COL5A1: variants seen among roughly 807,000 people sequenced by gnomAD.
COL5A1 encodes collagen type V alpha 1 chain, also known as collagen alpha-1(V) chain.
COL5A1 carries 16 observed loss-of-function variants against 263.7 expected under a neutral mutation model. The observed-to-expected ratio is 0.06, with a 90% CI of 0.04 to 0.09. COL5A1 has a LOEUF of 0.09. Among genes scored for constraint, COL5A1 ranks in the 10% least tolerant of loss-of-function variants. The pLI, the probability that COL5A1 is intolerant of heterozygous loss-of-function variation, is 1.00. For missense variants in COL5A1, 2,036 were observed against 2,540.5 expected (o/e 0.80, Z 4.27); for synonymous variants, 1,012 against 1,004.5 (o/e 1.01, Z -0.14).
rs144357001 is a variant in COL5A1, at chr9:134,841,224, C to G, written c.5371-933C>G. On this transcript the variant is annotated intron_variant, in intron 65 of 65. Transcript: ENST00000371817. This position sits in a 1 kb window ranked among gnomAD's most constrained non-coding sequence, Gnocchi z 4.8. ...GTCTGAGGTAGCAAAAGCCATCTGC[C>G]CAGGATGCGTTTGCAGGCTCCTGGT... Among the ~76,000 whole-genome samples the G allele has an allele frequency of 5.2e-3, 788 of 152,300 alleles. 5 individuals are homozygous for G. The highest frequency in any genetic ancestry group is 8.4e-3 in the Non-Finnish European group (574 of 68,016).
intron 2 of COL5A1, among the ~76,000 whole-genome samples, chr9:134,694,788 C>T (rs532359079): frequency 1.3e-5 from 2 of 152,276 alleles, no homozygotes; most frequent in South Asian, 4.1e-4. Flanking sequence ...GGACTTCCTT[C>T]CCAGTGGGGT....
rs983548518 is a variant in COL5A1, at chr9:134,677,311, C to A, written c.110-13601C>A. On this transcript the variant is annotated intron_variant, in intron 1 of 65. Coordinates refer to ENST00000371817, the MANE Select transcript of COL5A1 (RefSeq NM_000093.5). The surrounding 1 kb of genome is among the most constrained non-coding windows in gnomAD (Gnocchi z 4.4). Reference sequence around the variant, plus strand: ...AAGGCAGGCCCTGGTATTACACCTCCTTTCCTGCAGGGGAAAAGGCTCAGG... The same window carrying A: ...AAGGCAGGCCCTGGTATTACACCTCATTTCCTGCAGGGGAAAAGGCTCAGG... 6.6e-6 allele frequency among the ~76,000 whole-genome samples: 1 copy of A among 152,188 alleles called. No individual in the cohort carries two copies. The highest frequency in any genetic ancestry group is 2.4e-5 in the African/African-American group (1 of 41,452).
At chr9:134,825,745 C>T (rs1391214116) in intron 62 of COL5A1, 47 bp from the exon 63 acceptor site, 20 of 1,273,310 alleles carry the variant, frequency 1.6e-5, no homozygotes, top group Non-Finnish European at 2.3e-5. Context: ...ATCCAGGGAG[C>T]AATCCTTCTG....
At chr9:134,822,463 C>A (rs1451527347) in intron 59 of COL5A1, among the ~76,000 whole-genome samples, 1 of 152,180 alleles carries the variant, frequency 6.6e-6, no homozygotes, top group Non-Finnish European at 1.5e-5. Flanking sequence ...CTCTCCAGCC[C>A]TCCCAATTCC....
intron 4 of COL5A1, among the ~76,000 whole-genome samples, chr9:134,717,767 A>G (rs1312128277): frequency 6.6e-6 from 1 of 152,224 alleles, no homozygotes; most frequent in Non-Finnish European, 1.5e-5. Context: ...TACCAGCACG[A>G]AGTGCTCTGG....
At chr9:134,782,774 G>C (rs902076710) in intron 29 of COL5A1, 54 bp downstream of exon 29, 1 of 1,460,272 alleles carries the variant, frequency 6.8e-7, no homozygotes, top group Admixed American at 1.7e-5. Flanking sequence ...GGGCTTGGCC[G>C]TGTGGGAGGG....
At chr9:134,727,482 C>G in intron 5 of COL5A1, 85 bp downstream of exon 5, 3 of 1,485,542 alleles carry the variant, frequency 2.0e-6, no homozygotes, top group Non-Finnish European at 2.8e-6. Flanking sequence ...CCATGGGACC[C>G]TTATTTTAAA....
At chr9:134,829,951 C>T (rs774102911) in intron 63 of COL5A1, 25 bp from the exon 64 acceptor site, 5 of 1,608,626 alleles carry the variant, frequency 3.1e-6, no homozygotes, top group Non-Finnish European at 4.2e-6. Flanking sequence ...TTCTCTCCCT[C>T]CCCACCTCCC....
chr9:134,660,860 C>T (rs1337527419), intron 1 of COL5A1, among the ~76,000 whole-genome samples: 1 of 152,168 alleles, frequency 6.6e-6, no homozygotes, highest in Non-Finnish European at 1.5e-5. Context: ...GAGTGCCTGC[C>T]ACTGTGAGGT....
chr9:134,798,516 A>T, intron 37 of COL5A1, 55 bp downstream of exon 37: 1 of 1,549,062 alleles, frequency 6.5e-7, no homozygotes, highest in Non-Finnish European at 8.9e-7. Flanking sequence ...ACCACCCTGC[A>T]CGTGGGCACA....
At chr9:134,763,506 T>C (rs1836545571) in intron 19 of COL5A1, among the ~76,000 whole-genome samples, 187 bp from the exon 20 acceptor site, 1 of 152,234 alleles carries the variant, frequency 6.6e-6, no homozygotes, top group Non-Finnish European at 1.5e-5. Context: ...TCACCTGCAG[T>C]GTCTGCACAC....
chr9:134,733,257 A>T (rs1353601215), intron 9 of COL5A1, among the ~76,000 whole-genome samples: 2 of 152,156 alleles, frequency 1.3e-5, no homozygotes, highest in Non-Finnish European at 2.9e-5. Context: ...TGGAACCTTG[A>T]CGGATGGCAC....
chr9:134,735,029 G>A (rs547834868), intron 9 of COL5A1, among the ~76,000 whole-genome samples: 3 of 152,054 alleles, frequency 2.0e-5, no homozygotes, highest in African/African-American at 7.2e-5. Context: ...TGACCACCAT[G>A]GCAAAACCCT....
rs367972441 is a variant in COL5A1 at position 134,651,026 on chromosome 9, A to G, written c.109+8730A>G. Among the ~76,000 whole-genome samples the G allele has an allele frequency of 9.6e-4, 146 of 152,330 alleles. 1 individual carries two copies. The highest frequency in any genetic ancestry group is 2.6e-3 in the African/African-American group (109 of 41,580). ...GCAGCCTCTGTCCATTCTCAAGGCC[A>G]GGTGAGGGCGGCGTGGCTCCGCTCC... On this transcript the variant is annotated intron_variant, in intron 1 of 65. Coordinates refer to ENST00000371817, the MANE Select transcript of COL5A1 (RefSeq NM_000093.5).
At chr9:134,669,968 A>G (rs1284142408) in intron 1 of COL5A1, among the ~76,000 whole-genome samples, 2 of 152,260 alleles carry the variant, frequency 1.3e-5, no homozygotes, top group African/African-American at 4.8e-5. Flanking sequence ...ACGCATACTC[A>G]TTATAGTACA....
At chr9:134,753,359 T>C (rs1355966877) in intron 14 of COL5A1, among the ~76,000 whole-genome samples, 1 of 151,826 alleles carries the variant, frequency 6.6e-6, no homozygotes, top group Non-Finnish European at 1.5e-5. Context: ...GGAGTGTGGG[T>C]TTGCAGGCAC....
At chr9:134,753,428 G>A (rs1472927982) in intron 14 of COL5A1, among the ~76,000 whole-genome samples, 3 of 152,142 alleles carry the variant, frequency 2.0e-5, no homozygotes, top group Non-Finnish European at 4.4e-5. Context: ...ACTGGGTCTG[G>A]GCTCGGTCGC....
chr9:134,822,230 T>C, intron 59 of COL5A1, 80 bp downstream of exon 59: 1 of 1,237,484 alleles, frequency 8.1e-7, no homozygotes, highest in Non-Finnish European at 1.2e-6. Flanking sequence ...AGTGTGGAGC[T>C]AGAGAATTGT....
chr9:134,784,841 C>T (rs779247425), intron 29 of COL5A1, 148 bp from the exon 30 acceptor site: 88 of 673,774 alleles, frequency 1.3e-4, no homozygotes, highest in Non-Finnish European at 2.0e-4. Flanking sequence ...GGAGCAGCTC[C>T]GTGGTCTGAG....
Sources: allele counts gnomAD v4.1 joint callset (sites outside exome capture counted in the v4.1 genomes callset), GRCh38; gene constraint gnomAD v4.1.1; non-coding constraint Gnocchi (gnomAD v3.1); transcripts MANE v1.5; gene names NCBI Gene and HGNC (gene_info 2026-07-23, HGNC 2026-07-21).